Variants in TM9SF2 observed in about 807,000 individuals in gnomAD.
TM9SF2 encodes 76 kDa membrane protein.
Under a neutral mutation model 84.9 loss-of-function variants are expected in TM9SF2, and 13 were observed. That is an observed-to-expected ratio of 0.15 (90% CI 0.10 to 0.24). The LOEUF (loss-of-function observed/expected upper bound fraction) is 0.24, where lower values mean the gene tolerates loss of function less well. Ranked by LOEUF, TM9SF2 falls within the 10% of genes least tolerant of loss-of-function variation. TM9SF2 has a pLI of 1.00. For synonymous variants in TM9SF2, 273 were observed against 285.8 expected, an observed-to-expected ratio of 0.96 and a Z score of 0.45; for missense variants, 562 against 818.5, an observed-to-expected ratio of 0.69 and a Z score of 3.82.
intron 1 of TM9SF2, among the ~76,000 whole-genome samples, chr13:99,503,521 C>A (rs2046075574): frequency 6.6e-6 from 1 of 151,906 alleles, no homozygotes; most frequent in South Asian, 2.1e-4. Context: ...CCAGCCTGGC[C>A]AATATGGTGA....
intron 4 of TM9SF2, among the ~76,000 whole-genome samples, chr13:99,531,455 G>A (rs2046209428): frequency 1.3e-5 from 2 of 152,048 alleles, no homozygotes; most frequent in Admixed American, 1.3e-4. Context: ...CTGTGGCCTC[G>A]CATTCCCTCC....
intron 6 of TM9SF2, among the ~76,000 whole-genome samples, chr13:99,538,980 G>T (rs906760673): frequency 1.1e-4 from 17 of 152,048 alleles, no homozygotes; most frequent in Admixed American, 1.1e-3. Context: ...GAGGCAGTAG[G>T]ATTGCTTGAG....
At chr13:99,508,543 A>G (rs1273490993) in intron 1 of TM9SF2, among the ~76,000 whole-genome samples, 1 of 152,000 alleles carries the variant, frequency 6.6e-6, no homozygotes, top group African/African-American at 2.4e-5. Context: ...TGCTGTAAAG[A>G]AATACCTGAG....
At chr13:99,530,428 A>G (rs2046203527) in intron 4 of TM9SF2, among the ~76,000 whole-genome samples, 1 of 152,248 alleles carries the variant, frequency 6.6e-6, no homozygotes, top group South Asian at 2.1e-4. Flanking sequence ...TGTCTCAAAA[A>G]TAAAAAAAAA....
intron 13 of TM9SF2, among the ~76,000 whole-genome samples, chr13:99,553,909 A>G (rs1243277531): frequency 6.6e-6 from 1 of 152,254 alleles, no homozygotes; most frequent in Non-Finnish European, 1.5e-5. Context: ...GCACCTCCAA[A>G]TAAAAATACA....
intron 4 of TM9SF2, among the ~76,000 whole-genome samples, chr13:99,532,440 A>G (rs1286581486): frequency 6.6e-6 from 1 of 152,196 alleles, no homozygotes; most frequent in East Asian, 1.9e-4. Context: ...CTATAATCCC[A>G]GCATTTTGGG....
At chr13:99,502,058 C>G (rs2046068742) in intron 1 of TM9SF2, among the ~76,000 whole-genome samples, 1 of 152,206 alleles carries the variant, frequency 6.6e-6, no homozygotes. Context: ...GGAACAGGGA[C>G]CGTGTGGAGC....
chr13:99,508,448 A>G (rs1278818169), intron 1 of TM9SF2, among the ~76,000 whole-genome samples: 1 of 118,062 alleles, frequency 8.5e-6, no homozygotes, highest in Non-Finnish European at 1.7e-5. Flanking sequence ...CACACACCCC[A>G]GAGATTCAGT....
chr13:99,501,571 C>T lies in TM9SF2; in HGVS notation c.-36C>T. ...CCCACCCCTCCTTCCCTCTTGACCC[C>T]CTAGGTTTGATTGCCCTTTCCCCGA... On this transcript the variant is annotated 5_prime_UTR_variant, in exon 1 of 17. Coordinates refer to ENST00000376387, the MANE Select transcript of TM9SF2 (RefSeq NM_004800.3). The T allele has an allele frequency of 6.2e-7, 1 of 1,606,872 alleles. No individual in the cohort carries two copies.
At chr13:99,546,018 G>A (rs142213891) in intron 10 of TM9SF2, among the ~76,000 whole-genome samples, 1 of 152,220 alleles carries the variant, frequency 6.6e-6, no homozygotes, top group African/African-American at 2.4e-5. Context: ...CCTCAAATAG[G>A]AACTTTCTGC....
chr13:99,553,765 G>A (rs1381917458), intron 13 of TM9SF2, among the ~76,000 whole-genome samples: 3 of 152,148 alleles, frequency 2.0e-5, no homozygotes, highest in Non-Finnish European at 4.4e-5. Flanking sequence ...GCCATGTAGT[G>A]TGTCATGAAA....
At chr13:99,508,613 G>A (rs955263237) in intron 1 of TM9SF2, among the ~76,000 whole-genome samples, 1 of 152,116 alleles carries the variant, frequency 6.6e-6, no homozygotes, top group Non-Finnish European at 1.5e-5. Flanking sequence ...GGCTGTACAA[G>A]CATGGCACGG....
At chr13:99,549,960 C>G (rs2046298902) in intron 12 of TM9SF2, among the ~76,000 whole-genome samples, 1 of 152,228 alleles carries the variant, frequency 6.6e-6, no homozygotes, top group African/African-American at 2.4e-5. Context: ...ACCGAAGATT[C>G]ACATTCTTCT....
In TM9SF2 at chr13:99,509,344, G is replaced by A. The variant is rs111642345; in HGVS notation, c.171+7567G>A. On this transcript the variant is annotated intron_variant, in intron 1 of 16. Coordinates refer to ENST00000376387, the MANE Select transcript of TM9SF2 (RefSeq NM_004800.3). Reference sequence around the variant, plus strand: ...TACCCTGGCGGGGACTCTGAATGGGGCTCCAACACCACATTTCCCCTCCAC... The same window carrying A: ...TACCCTGGCGGGGACTCTGAATGGGACTCCAACACCACATTTCCCCTCCAC... 6.6e-5 allele frequency among the ~76,000 whole-genome samples: 10 copies of A among 152,318 alleles called. 1 individual carries two copies. The highest frequency in any genetic ancestry group is 1.7e-4 in the African/African-American group (7 of 41,560).
intron 1 of TM9SF2, among the ~76,000 whole-genome samples, chr13:99,513,289 G>A (rs1265740486): frequency 1.3e-5 from 2 of 152,178 alleles, no homozygotes; most frequent in African/African-American, 4.8e-5. Flanking sequence ...AATAGGGCAA[G>A]GTCCTGAGAA....
chr13:99,518,871 C>T (rs1373852725), intron 2 of TM9SF2, among the ~76,000 whole-genome samples: 2 of 151,688 alleles, frequency 1.3e-5, no homozygotes, highest in Admixed American at 6.6e-5. Context: ...ACCTTGGCCT[C>T]CCAAGGTGCT....
At chr13:99,540,540 C>G (rs1021574362) in intron 7 of TM9SF2, 174 bp from the exon 8 acceptor site, 8 of 410,552 alleles carry the variant, frequency 1.9e-5, no homozygotes, top group Non-Finnish European at 2.6e-5. Context: ...TCTGATTTCC[C>G]CTAGACTTTA....
chr13:99,545,984 C>T (rs1384544335), intron 10 of TM9SF2, among the ~76,000 whole-genome samples: 1 of 152,170 alleles, frequency 6.6e-6, no homozygotes, highest in Admixed American at 6.5e-5. Context: ...GGATAGAATA[C>T]GATGGGAATA....
intron 1 of TM9SF2, among the ~76,000 whole-genome samples, chr13:99,505,167 T>TG (rs1217552236): frequency 6.6e-6 from 1 of 151,806 alleles, no homozygotes; most frequent in Non-Finnish European, 1.5e-5. Flanking sequence ...TTTTTTTTTT[T>TG]TTGAGACGGA....
Sources: allele counts gnomAD v4.1 joint callset (sites outside exome capture counted in the v4.1 genomes callset), GRCh38; gene constraint gnomAD v4.1.1; transcripts MANE v1.5; gene names NCBI Gene and HGNC (gene_info 2026-07-23, HGNC 2026-07-21).